The following LIPG variants were observed in gnomAD, a reference collection of about 807,000 sequenced individuals.
LIPG encodes the protein endothelial lipase.
A neutral mutation model predicts 51.8 loss-of-function variants in LIPG; 34 were observed. The observed-to-expected ratio is 0.66, with a 90% CI of 0.50 to 0.87. The LOEUF is 0.87. Among genes scored for constraint, LIPG ranks in the 40% least tolerant of loss-of-function variants. The pLI, the probability that LIPG is intolerant of heterozygous loss-of-function variation, is 0.00. For synonymous variants in LIPG, 246 were observed against 246.1 expected, an observed-to-expected ratio of 1.00 and a Z score of 0.00; for missense variants, 580 against 652.7, an observed-to-expected ratio of 0.89 and a Z score of 1.21.
At chr18:49,587,283 A>G (rs1416305809) in intron 9 of LIPG, among the ~76,000 whole-genome samples, 1 of 151,406 alleles carries the variant, frequency 6.6e-6, no homozygotes, top group African/African-American at 2.4e-5. Context: ...TCAAAAAGAA[A>G]GAAAGGGCCA....
Position 49,596,716 on chromosome 18 carries a change from T to A in LIPG, c.*6194T>A, listed in dbSNP as rs2084984903. 6.6e-6 allele frequency: 1 copy of A among 151,606 alleles called. No individual in the cohort carries two copies. The highest frequency in any genetic ancestry group is 2.1e-4 in the South Asian group (1 of 4,780). The allele number at this position is 151,606 out of a possible 1,614,324, so 9.4% of individuals were successfully genotyped here. A position where few individuals can be genotyped will look rare whatever the true frequency, so the allele number is the denominator to read the frequency against. On this transcript the variant is annotated 3_prime_UTR_variant, in exon 10 of 10. Coordinates refer to ENST00000261292, the MANE Select transcript of LIPG (RefSeq NM_006033.4). ...ATTACCCTTTTGTCAGCCGTTCCTC[T>A]GTTGCTGACCATTAGATCCACATTT...
upstream of LIPG, chr18:49,562,001 G>A: frequency 2.1e-6 from 3 of 1,403,644 alleles, no homozygotes; most frequent in Non-Finnish European, 2.8e-6. Context: ...ATCACCATCT[G>A]GCGATGGGTC....
Position 49,590,996 on chromosome 18 carries a change from C to T in LIPG, c.*474C>T, listed in dbSNP as rs552248785. On this transcript the variant is annotated 3_prime_UTR_variant, in exon 10 of 10. Coordinates refer to ENST00000261292, the MANE Select transcript of LIPG (RefSeq NM_006033.4). ...AGGATGGCAGGCCTGGTATCTTGCT[C>T]GGGCCCTAGCTGTTGGGGTTCTCAT... 17 of 259,102 alleles carry T rather than the reference C, an allele frequency of 6.6e-5. No individual in the cohort carries two copies. Among genetic ancestry groups the T allele is most frequent in the East Asian group, 1.8e-4 (2 of 11,262 alleles). The allele number at this position is 259,102 out of a possible 1,614,324, so 16.1% of individuals were successfully genotyped here.
intron 5 of LIPG, among the ~76,000 whole-genome samples, chr18:49,577,589 G>C (rs1209936081): frequency 6.7e-6 from 1 of 149,236 alleles, no homozygotes; most frequent in Non-Finnish European, 1.5e-5. Flanking sequence ...TCCCAGTAGG[G>C]GCGGCCGGGC....
intron 1 of LIPG, among the ~76,000 whole-genome samples, chr18:49,562,932 G>C (rs184271468): frequency 6.6e-5 from 10 of 152,286 alleles, no homozygotes; most frequent in Non-Finnish European, 1.3e-4. Flanking sequence ...TATTCCCCCA[G>C]GTTGCCAGCC....
intron 9 of LIPG, chr18:49,590,207 G>GTGTA (rs758566511): frequency 7.7e-5 from 38 of 493,002 alleles, no homozygotes; most frequent in African/African-American, 6.3e-4. Flanking sequence ...GTGTGTGTGT[G>GTGTA]TATGTTGTGG....
chr18:49,563,195 T>C (rs533749685), intron 1 of LIPG, among the ~76,000 whole-genome samples: 1 of 152,276 alleles, frequency 6.6e-6, no homozygotes, highest in African/African-American at 2.4e-5. Context: ...TCTCATCTTC[T>C]AGTCTGCTGA....
At chr18:49,576,286 A>C (rs1568530604) in intron 5 of LIPG, among the ~76,000 whole-genome samples, 1 of 151,994 alleles carries the variant, frequency 6.6e-6, no homozygotes, top group Admixed American at 6.6e-5. Flanking sequence ...TTTTGTGTGT[A>C]TCCTTCTAGT....
rs1179556315 is a variant in LIPG at position 49,590,867 on chromosome 18, C to T, written c.*345C>T. On this transcript the variant is annotated 3_prime_UTR_variant, in exon 10 of 10. Coordinates refer to ENST00000261292, the MANE Select transcript of LIPG (RefSeq NM_006033.4). ...CTGGGCGAGCCTGTACTCTGCCTGA[C>T]GAGGAACGCTGGCTCCGAAGAGGCC... is the stretch of plus-strand genomic sequence containing the variant. The T allele has an allele frequency of 1.2e-5, 5 of 400,808 alleles. No individual in the cohort carries two copies. The highest frequency in any genetic ancestry group is 7.5e-5 in the South Asian group (3 of 40,044). The allele number at this position is 400,808 out of a possible 1,614,324, so 24.8% of individuals were successfully genotyped here.
chr18:49,587,220 G>A (rs1031195433), intron 9 of LIPG, among the ~76,000 whole-genome samples: 2 of 151,850 alleles, frequency 1.3e-5, no homozygotes, highest in Admixed American at 1.3e-4. Context: ...GCTGCAGTGA[G>A]CTGAGACCGC....
intron 4 of LIPG, among the ~76,000 whole-genome samples, chr18:49,572,759 G>A (rs1460380505): frequency 8.7e-5 from 13 of 150,060 alleles, no homozygotes; most frequent in Admixed American, 1.3e-4. Flanking sequence ...AAAAGTAGCC[G>A]TTGAACTACA....
intron 8 of LIPG, among the ~76,000 whole-genome samples, chr18:49,585,318 C>T (rs907928590): frequency 2.5e-4 from 38 of 152,202 alleles, no homozygotes; most frequent in African/African-American, 9.2e-4. Flanking sequence ...CTGCCTCAGC[C>T]TCCCAAAGTG....
intron 4 of LIPG, among the ~76,000 whole-genome samples, chr18:49,571,055 A>T (rs1399965858): frequency 1.3e-5 from 2 of 152,140 alleles, no homozygotes; most frequent in Non-Finnish European, 2.9e-5. Flanking sequence ...CAATGACTTG[A>T]TTCATCCCAG....
Position 49,591,564 on chromosome 18 carries a change from C to T in LIPG, c.*1042C>T, listed in dbSNP as rs41486750. The T allele has an allele frequency of 5.5e-3, 837 of 152,252 alleles. 9 individuals carry two copies. The highest frequency in any genetic ancestry group is 0.019 in the African/African-American group (783 of 41,528). The allele number at this position is 152,252 out of a possible 1,614,324, so 9.4% of individuals were successfully genotyped here. A position where few individuals can be genotyped will look rare whatever the true frequency, so the allele number is the denominator to read the frequency against. ...AATACACATCTGTGTACACAGAAAC[C>T]GGCACCTGCCAGACAGAGCTGGTTC... On this transcript the variant is annotated 3_prime_UTR_variant, in exon 10 of 10. Coordinates refer to ENST00000261292, the MANE Select transcript of LIPG (RefSeq NM_006033.4).
rs1222014637 is a variant in LIPG, at chr18:49,594,673, T to A, written c.*4151T>A. 6.6e-6 allele frequency: 1 copy of A among 152,254 alleles called. No homozygotes were observed. The highest frequency in any genetic ancestry group is 1.5e-5 in the Non-Finnish European group (1 of 68,044). The allele number at this position is 152,254 out of a possible 1,614,324, so 9.4% of individuals were successfully genotyped here. ...TGAAGTATAATGCATTACATCAGTT[T>A]GACTTTATTTCTGGTCTTAAGTGTG... On this transcript the variant is annotated 3_prime_UTR_variant, in exon 10 of 10. Transcript: ENST00000261292.
At position 49,598,091 on chromosome 18, in the gene LIPG, A is replaced by G. The variant is rs1272854412; in HGVS notation, c.*7569A>G. ...CTGCTTAGGCTGCCCCAAATTCCAT[A>G]TAGGATTCTTTTTGAAGAATATATA... is the stretch of plus-strand genomic sequence containing the variant. On this transcript the variant is annotated 3_prime_UTR_variant, in exon 10 of 10. Transcript: ENST00000261292. The G allele has an allele frequency of 6.6e-6, 1 of 152,182 alleles. No individual in the cohort carries two copies. Among genetic ancestry groups the G allele is most frequent in the Non-Finnish European group, 1.5e-5 (1 of 68,026 alleles). The allele number at this position is 152,182 out of a possible 1,614,324, so 9.4% of individuals were successfully genotyped here.
intron 8 of LIPG, among the ~76,000 whole-genome samples, chr18:49,584,243 A>G (rs1400697746): frequency 6.6e-6 from 1 of 152,210 alleles, no homozygotes; most frequent in Non-Finnish European, 1.5e-5. Context: ...TCTGATTTTC[A>G]GAGCATTATT....
At chr18:49,567,801 G>C (rs2084623031) in intron 3 of LIPG, 180 bp downstream of exon 3, 1 of 623,124 alleles carries the variant, frequency 1.6e-6, no homozygotes, top group Non-Finnish European at 2.7e-6. Flanking sequence ...GACTTTTTGA[G>C]AGCCTTTTAA....
chr18:49,570,421 C>T (rs569692235), intron 4 of LIPG, among the ~76,000 whole-genome samples: 2 of 152,132 alleles, frequency 1.3e-5, no homozygotes, highest in Non-Finnish European at 2.9e-5. Flanking sequence ...ATCCTTCTTC[C>T]AGCATTATTT....
Sources: gnomAD v4.1 joint callset for allele counts (sites outside exome capture counted in the v4.1 genomes callset) on GRCh38, gnomAD v4.1.1 for gene constraint, MANE v1.5 for transcripts, NCBI Gene and HGNC (gene_info 2026-07-23, HGNC 2026-07-21) for gene names.